The following MED27 variants were observed in gnomAD, a reference collection of about 807,000 sequenced individuals.
MED27 encodes the protein mediator complex subunit 27, also known as mediator of RNA polymerase II transcription subunit 27.
In MED27, 30 loss-of-function variants were observed where a neutral mutation model predicts 38.2. That is an observed-to-expected ratio of 0.79 (90% CI 0.59 to 1.07). The LOEUF (loss-of-function observed/expected upper bound fraction) is 1.07. Ranked by LOEUF, MED27 falls within the 50% of genes least tolerant of loss-of-function variation. The pLI, the probability that MED27 is intolerant of heterozygous loss-of-function variation, is 0.00. For missense variants in MED27, 289 were observed against 397.5 expected (o/e 0.73, Z 2.32); for synonymous variants, 122 against 153.5 (o/e 0.79, Z 1.52).
At chr9:131,983,825 C>A (rs1831791982) in intron 3 of MED27, among the ~76,000 whole-genome samples, 1 of 151,952 alleles carries the variant, frequency 6.6e-6, no homozygotes, top group South Asian at 2.1e-4. Flanking sequence ...CATACTATAC[C>A]CCTCAAAACA....
At chr9:132,005,412 T>C (rs571332076) in intron 3 of MED27, among the ~76,000 whole-genome samples, 3 of 152,338 alleles carry the variant, frequency 2.0e-5, no homozygotes, top group African/African-American at 7.2e-5. Context: ...GAGTGTACGC[T>C]GGCTTCAAGG....
intron 1 of MED27, among the ~76,000 whole-genome samples, chr9:132,079,051 C>T (rs1834116517): frequency 6.6e-6 from 1 of 152,142 alleles, no homozygotes; most frequent in Admixed American, 6.5e-5. Flanking sequence ...GAGTAGGTCT[C>T]TACTGCGGAA....
chr9:131,878,522 G>A (rs1337175624), intron 6 of MED27, among the ~76,000 whole-genome samples: 1 of 152,048 alleles, frequency 6.6e-6, no homozygotes, highest in Non-Finnish European at 1.5e-5. Flanking sequence ...TACCTCTGAT[G>A]AGAAAGCTGC....
chr9:131,937,829 C>CTT (rs35317329), intron 4 of MED27, among the ~76,000 whole-genome samples: 25 of 145,408 alleles, frequency 1.7e-4, no homozygotes, highest in Non-Finnish European at 2.9e-4. Flanking sequence ...CTGAGGCAGA[C>CTT]TTTTTTTTTT....
chr9:132,079,114 G>C (rs747445197), intron 1 of MED27, among the ~76,000 whole-genome samples: 2 of 152,180 alleles, frequency 1.3e-5, no homozygotes, highest in Non-Finnish European at 2.9e-5. Flanking sequence ...TTTGGGAGCG[G>C]TTAGGGGAAA....
chr9:131,870,349 G>A (rs1838808972), intron 6 of MED27, among the ~76,000 whole-genome samples: 1 of 152,188 alleles, frequency 6.6e-6, no homozygotes, highest in Non-Finnish European at 1.5e-5. Context: ...GCCGATGCAG[G>A]GACAGTGCAC....
At chr9:131,989,008 G>A (rs1831914382) in intron 3 of MED27, among the ~76,000 whole-genome samples, 1 of 152,110 alleles carries the variant, frequency 6.6e-6, no homozygotes, top group African/African-American at 2.4e-5. Context: ...GTACACGACT[G>A]CCATGGTGGC....
intron 2 of MED27, among the ~76,000 whole-genome samples, chr9:132,018,145 T>G (rs1832643982): frequency 1.3e-5 from 2 of 152,216 alleles, no homozygotes; most frequent in Admixed American, 1.3e-4. Context: ...CCCCAAACTC[T>G]AAAATTCAAT....
At chr9:132,050,408 A>T (rs1833438917) in intron 2 of MED27, among the ~76,000 whole-genome samples, 2 of 152,316 alleles carry the variant, frequency 1.3e-5, no homozygotes, top group South Asian at 4.1e-4. Flanking sequence ...TCACCACTGA[A>T]GATGCTGACA....
intron 4 of MED27, among the ~76,000 whole-genome samples, chr9:131,919,943 G>C (rs990670849): frequency 1.3e-5 from 2 of 151,762 alleles, no homozygotes; most frequent in African/African-American, 2.4e-5. Flanking sequence ...CGAGTAGCTG[G>C]GACTACAGGA....
chr9:131,976,077 G>C lies in MED27; in HGVS notation c.480-36603C>G, dbSNP rs140140354. ...CCACGAAGGGCTGTAAGGGCACAGA[G>C]AGAAGGACTGACAGAGGCAACAAGT... On this transcript the variant is annotated intron_variant, in intron 3 of 7. Transcript: ENST00000292035. 2.3e-3 allele frequency among the ~76,000 whole-genome samples: 348 copies of C among 152,330 alleles called. 2 individuals are homozygous for C. The highest frequency in any genetic ancestry group is 8.0e-3 in the African/African-American group (333 of 41,566).
In MED27 at chr9:131,862,586, A is replaced by G. The variant is rs1056388228; in HGVS notation, c.801+477T>C. Among the ~76,000 whole-genome samples the G allele has an allele frequency of 6.6e-6, 1 of 152,162 alleles. No homozygotes were observed. Among genetic ancestry groups the G allele is most frequent in the East Asian group, 1.9e-4 (1 of 5,200 alleles). ...AGTAGTGGTTGAAGAACCAGCTCGC[A>G]AGATACTGAACAGGCACTGGCAGGA... On this transcript the variant is annotated intron_variant, in intron 7 of 7. Coordinates refer to ENST00000292035, the MANE Select transcript of MED27 (RefSeq NM_004269.4). This position sits in a 1 kb window ranked among gnomAD's most constrained non-coding sequence, Gnocchi z 4.6.
chr9:132,016,294 G>A (rs1832600934), intron 2 of MED27, among the ~76,000 whole-genome samples: 1 of 152,164 alleles, frequency 6.6e-6, no homozygotes, highest in Non-Finnish European at 1.5e-5. Flanking sequence ...TCTGTGTTTG[G>A]AGCATCCGTA....
At chr9:132,038,520 A>G (rs1169802024) in intron 2 of MED27, among the ~76,000 whole-genome samples, 1 of 152,204 alleles carries the variant, frequency 6.6e-6, no homozygotes, top group Non-Finnish European at 1.5e-5. Context: ...CACTCGAGAA[A>G]TATCACTGAA....
intron 3 of MED27, among the ~76,000 whole-genome samples, chr9:131,950,908 G>A (rs1390317387): frequency 1.3e-5 from 2 of 152,202 alleles, no homozygotes; most frequent in Admixed American, 1.3e-4. Flanking sequence ...ACTTTGTTCT[G>A]TAATTGTTTC....
chr9:132,007,866 G>A (rs1312152404), intron 3 of MED27, among the ~76,000 whole-genome samples: 2 of 151,878 alleles, frequency 1.3e-5, no homozygotes, highest in Admixed American at 6.6e-5. Flanking sequence ...AACAAAGCCC[G>A]GGAAACAAGT....
intron 2 of MED27, among the ~76,000 whole-genome samples, chr9:132,044,872 AG>A (rs1211824078): frequency 6.6e-6 from 1 of 152,254 alleles, no homozygotes; most frequent in Non-Finnish European, 1.5e-5. Flanking sequence ...CATTAAAAAC[AG>A]GAAAAAGTTT....
At chr9:132,025,473 C>T (rs1199185516) in intron 2 of MED27, among the ~76,000 whole-genome samples, 4 of 152,206 alleles carry the variant, frequency 2.6e-5, no homozygotes, top group East Asian at 1.9e-4. Context: ...TGAGCCACCG[C>T]GCCCAGCCCT....
chr9:131,901,628 G>C (rs1829949798), intron 4 of MED27, among the ~76,000 whole-genome samples: 1 of 152,184 alleles, frequency 6.6e-6, no homozygotes, highest in African/African-American at 2.4e-5. Context: ...CATTTTGAAA[G>C]GGTGGAGTTG....
Sources: gnomAD v4.1 joint callset for allele counts (sites outside exome capture counted in the v4.1 genomes callset) on GRCh38, gnomAD v4.1.1 for gene constraint, Gnocchi (gnomAD v3.1) non-coding constraint, MANE v1.5 for transcripts, NCBI Gene and HGNC (gene_info 2026-07-23, HGNC 2026-07-21) for gene names.